The following TPX2 variants were observed in gnomAD, a reference collection of about 807,000 sequenced individuals.
TPX2 encodes targeting protein for Xklp2.
Under a neutral mutation model 93.6 loss-of-function variants are expected in TPX2, and 21 were observed. That is an observed-to-expected ratio of 0.22 (90% CI 0.16 to 0.32). The LOEUF (loss-of-function observed/expected upper bound fraction) is 0.32. Among genes scored for constraint, TPX2 ranks in the 10% least tolerant of loss-of-function variants. The pLI is 1.00. For missense variants in TPX2, 776 were observed against 871.1 expected, an observed-to-expected ratio of 0.89 and a Z score of 1.37; for synonymous variants, 281 against 298.3, an observed-to-expected ratio of 0.94 and a Z score of 0.60.
chr20:31,794,792 A>G lies in TPX2; in HGVS notation c.1833+244A>G, dbSNP rs13036639. Among the ~76,000 whole-genome samples, 690 of 105,346 alleles carry G rather than the reference A, an allele frequency of 6.5e-3. 2 individuals are homozygous for G. The highest frequency in any genetic ancestry group is 8.7e-3 in the African/African-American group (225 of 25,904). 69.1% of individuals were successfully genotyped at this position (105,346 alleles called of 152,430 possible). On this transcript the variant is annotated intron_variant, in intron 15 of 17. Transcript: ENST00000300403. ...TGTGTGTGTGTGTGTGTGTGTGTGT[A>G]TGTGTGTGTGTACGCACACATTTTG...
At chr20:31,747,381 G>A (rs997413386) in intron 2 of TPX2, among the ~76,000 whole-genome samples, 1 of 152,164 alleles carries the variant, frequency 6.6e-6, no homozygotes, top group Non-Finnish European at 1.5e-5. Flanking sequence ...GCCTCCCAAA[G>A]TACTGGGATT....
At chr20:31,786,848 G>T (rs2062070474) in intron 12 of TPX2, among the ~76,000 whole-genome samples, 1 of 152,164 alleles carries the variant, frequency 6.6e-6, no homozygotes, top group African/African-American at 2.4e-5. Context: ...TGGGTACCAG[G>T]TTATACCTGT....
intron 17 of TPX2, among the ~76,000 whole-genome samples, chr20:31,799,421 T>C (rs1242430435): frequency 6.6e-6 from 1 of 152,174 alleles, no homozygotes; most frequent in Non-Finnish European, 1.5e-5. Flanking sequence ...TTGAAAACTG[T>C]AAAGAAAGTG....
intron 7 of TPX2, among the ~76,000 whole-genome samples, chr20:31,773,378 T>C (rs1338616058): frequency 6.8e-6 from 1 of 146,904 alleles, no homozygotes; most frequent in East Asian, 1.9e-4. Context: ...CTTGAATTCC[T>C]GACCTCAAGG....
At chr20:31,757,658 G>C in intron 3 of TPX2, 76 bp downstream of exon 3, 1 of 1,138,290 alleles carries the variant, frequency 8.8e-7, no homozygotes, top group Non-Finnish European at 1.3e-6. Context: ...ATAATAGAAG[G>C]GGTTGCAAGA....
At position 31,798,388 on chromosome 20, in the gene TPX2, C is replaced by G; in HGVS notation, c.1969C>G (p.Gln657Glu). Residue 657 changes from glutamine to glutamate, a missense_variant, in exon 17 of 18, where the codon CAG becomes GAG. Coordinates refer to ENST00000300403, the MANE Select transcript of TPX2 (RefSeq NM_012112.5). ...VAEGLSGSLV[Q>E]EPFQLATEKR... ...AGAGGGCCTTTCTGGTTCTCTAGTT[C>G]AGGAACCTTTTCAGCTGGCTACTGA... The G allele has an allele frequency of 6.2e-7, 1 of 1,613,980 alleles. No homozygotes were observed. The highest frequency in any genetic ancestry group is 8.5e-7 in the Non-Finnish European group (1 of 1,180,004).
At chr20:31,777,107 G>C (rs761005278) in intron 8 of TPX2, among the ~76,000 whole-genome samples, 7 of 152,178 alleles carry the variant, frequency 4.6e-5, no homozygotes, top group African/African-American at 7.2e-5. Context: ...CACCCCTGGA[G>C]TTTATAGGAT....
chr20:31,765,992 G>T (rs924781891), intron 4 of TPX2, among the ~76,000 whole-genome samples: 1 of 152,086 alleles, frequency 6.6e-6, no homozygotes, highest in Non-Finnish European at 1.5e-5. Flanking sequence ...TCATTATGTG[G>T]GAGTGCATCC....
chr20:31,767,979 T>G (rs1368221133), intron 5 of TPX2, among the ~76,000 whole-genome samples: 1 of 151,928 alleles, frequency 6.6e-6, no homozygotes, highest in Non-Finnish European at 1.5e-5. Flanking sequence ...TTGCCCAGGC[T>G]GGAGTGCAAT....
At chr20:31,782,903 C>G (rs574066850) in intron 11 of TPX2, among the ~76,000 whole-genome samples, 1 of 150,858 alleles carries the variant, frequency 6.6e-6, no homozygotes, top group South Asian at 2.1e-4. Flanking sequence ...CACACACACA[C>G]ACACACACAC....
At chr20:31,786,401 T>TTTTTTTTTTTTTG (rs1555787856) in intron 12 of TPX2, among the ~76,000 whole-genome samples, 6 of 115,670 alleles carry the variant, frequency 5.2e-5, no homozygotes, top group African/African-American at 2.2e-4. Context: ...TGAACTACTG[T>TTTTTTTTTTTTTG]TTTTTTTTTT....
Position 31,801,056 on chromosome 20 carries a change from A to G in TPX2, c.2220A>G (p.Lys740=), listed in dbSNP as rs1257146976. The change falls in exon 18 of 18, where the codon AAA becomes AAG. Residue 740 remains lysine (K), a synonymous_variant. Coordinates refer to ENST00000300403, the MANE Select transcript of TPX2 (RefSeq NM_012112.5). ...DQPLTVPVSP[K]FSTRFHC ...CTCTGACTGTGCCTGTATCTCCCAA[A>G]TTCTCCACTCGATTCCACTGCTAAA... 8.1e-6 allele frequency: 13 copies of G among 1,614,048 alleles called. No homozygotes were observed. Among genetic ancestry groups the G allele is most frequent in the Non-Finnish European group, 1.1e-5 (13 of 1,180,028 alleles).
At chr20:31,746,029 T>A (rs921534473) in intron 2 of TPX2, among the ~76,000 whole-genome samples, 6 of 152,172 alleles carry the variant, frequency 3.9e-5, no homozygotes, top group Non-Finnish European at 7.4e-5. Flanking sequence ...ATAGGAAATA[T>A]ATTTGCTTGA....
intron 5 of TPX2, 83 bp downstream of exon 5, chr20:31,766,765 T>C (rs2061929734): frequency 7.3e-7 from 1 of 1,367,642 alleles, no homozygotes; most frequent in African/African-American, 1.5e-5. Flanking sequence ...ATTATGTGTC[T>C]ATACTGTGTT....
intron 1 of TPX2, among the ~76,000 whole-genome samples, chr20:31,740,579 A>T (rs1158824902): frequency 6.6e-6 from 1 of 152,166 alleles, no homozygotes; most frequent in African/African-American, 2.4e-5. Flanking sequence ...TCAGATTGGC[A>T]TGAGATATTA....
intron 12 of TPX2, among the ~76,000 whole-genome samples, chr20:31,788,417 CAAAAAAA>C (rs11356550): frequency 2.5e-4 from 17 of 68,682 alleles, no homozygotes; most frequent in Non-Finnish European, 3.6e-4. Flanking sequence ...GACTCTGTCT[CAAAAAAA>C]AAAAAAAAAA....
intron 10 of TPX2, among the ~76,000 whole-genome samples, chr20:31,780,721 G>A (rs1398097550): frequency 6.6e-6 from 1 of 152,176 alleles, no homozygotes; most frequent in Non-Finnish European, 1.5e-5. Flanking sequence ...TATGAAAATT[G>A]ACAAGGTTTC....
intron 7 of TPX2, among the ~76,000 whole-genome samples, chr20:31,772,639 A>G (rs529428136): frequency 1.2e-4 from 19 of 152,320 alleles, no homozygotes; most frequent in African/African-American, 4.6e-4. Context: ...AGTTAATACA[A>G]AACCTTGGGT....
chr20:31,766,459 G>C, intron 4 of TPX2, 97 bp from the exon 5 acceptor site: 1 of 883,038 alleles, frequency 1.1e-6, no homozygotes, highest in Non-Finnish European at 1.7e-6. Flanking sequence ...GACAGGGTGT[G>C]TGTGTGTGTG....
Sources: gnomAD v4.1 joint callset for allele counts (sites outside exome capture counted in the v4.1 genomes callset) on GRCh38, gnomAD v4.1.1 for gene constraint, MANE v1.5 for transcripts, NCBI Gene and HGNC (gene_info 2026-07-23, HGNC 2026-07-21) for gene names.